The following ELP3 variants were observed in gnomAD, a reference collection of about 807,000 sequenced individuals.
ELP3 encodes the protein elongator acetyltransferase complex subunit 3.
ELP3 carries 56 observed loss-of-function variants against 74.9 expected under a neutral mutation model. The observed-to-expected ratio is 0.75, with a 90% CI of 0.60 to 0.93. The LOEUF (loss-of-function observed/expected upper bound fraction) is 0.93. Among genes scored for constraint, ELP3 ranks in the 40% least tolerant of loss-of-function variants. The probability of loss-of-function intolerance (pLI) is 0.00; values close to 1 mark genes in which losing one functional copy is unlikely to be tolerated. For synonymous variants in ELP3, 222 were observed against 239.8 expected (o/e 0.93, Z 0.68); for missense variants, 573 against 686.5 (o/e 0.83, Z 1.85).
At position 28,147,645 on chromosome 8, in the gene ELP3, G is replaced by A. The variant is rs1169349717; in HGVS notation, c.1101-8297G>A. On this transcript the variant is annotated intron_variant, in intron 10 of 14. Coordinates refer to ENST00000256398, the MANE Select transcript of ELP3 (RefSeq NM_018091.6). The surrounding 1 kb of genome is among the most constrained non-coding windows in gnomAD (Gnocchi z 4.5). ...TAAATATATGTCTCTCTCTGTGTGT[G>A]TATGTGTGTATGCATGCATATATTT... 6.6e-6 allele frequency among the ~76,000 whole-genome samples: 1 copy of A among 152,172 alleles called. No individual in the cohort carries two copies. Among genetic ancestry groups the A allele is most frequent in the African/African-American group, 2.4e-5 (1 of 41,444 alleles).
intron 10 of ELP3, among the ~76,000 whole-genome samples, chr8:28,150,729 G>A (rs889513245): frequency 3.9e-5 from 6 of 152,066 alleles, no homozygotes; most frequent in African/African-American, 1.4e-4. Flanking sequence ...GGTATTCTCT[G>A]AGCTTCCTGG....
chr8:28,172,816 T>C (rs1005145919), intron 14 of ELP3, among the ~76,000 whole-genome samples: 2 of 152,116 alleles, frequency 1.3e-5, no homozygotes, highest in African/African-American at 4.8e-5. Flanking sequence ...AGTTCCCTTC[T>C]ATGCTAATGT....
chr8:28,139,298 G>GT (rs71222539), intron 10 of ELP3, among the ~76,000 whole-genome samples: 56,949 of 151,786 alleles, frequency 0.38, 11,993 homozygotes, highest in Middle Eastern at 0.53. Flanking sequence ...TGGGTGCTAG[G>GT]TTTTTTTTGT....
At chr8:28,102,318 A>C (rs1404408770) in intron 3 of ELP3, among the ~76,000 whole-genome samples, 1 of 152,206 alleles carries the variant, frequency 6.6e-6, no homozygotes, top group African/African-American at 2.4e-5. Context: ...ATGTTAGTTC[A>C]TGGTACCACC....
At chr8:28,096,030 C>G (rs1229002364) in intron 1 of ELP3, among the ~76,000 whole-genome samples, 1 of 152,208 alleles carries the variant, frequency 6.6e-6, no homozygotes, top group African/African-American at 2.4e-5. Flanking sequence ...ACTGCCTAAG[C>G]TCTGCCTCCT....
intron 6 of ELP3, chr8:28,112,656 A>G (rs1258965892): frequency 1.3e-5 from 2 of 157,890 alleles, no homozygotes; most frequent in Non-Finnish European, 2.8e-5. Context: ...GCTTACCACC[A>G]AGTCTGACAT....
intron 14 of ELP3, among the ~76,000 whole-genome samples, chr8:28,172,852 TTG>T (rs1237359765): frequency 6.6e-6 from 1 of 152,060 alleles, no homozygotes; most frequent in African/African-American, 2.4e-5. Context: ...CATGAATGGG[TTG>T]TGAGTTTTGT....
chr8:28,118,604 A>G (rs917688898), intron 7 of ELP3, among the ~76,000 whole-genome samples: 2 of 152,212 alleles, frequency 1.3e-5, no homozygotes, highest in East Asian at 1.9e-4. Flanking sequence ...TCGTGTAACA[A>G]TCAGGCTCTG....
intron 14 of ELP3, among the ~76,000 whole-genome samples, chr8:28,182,899 C>T (rs1386073944): frequency 6.6e-6 from 1 of 152,168 alleles, no homozygotes; most frequent in East Asian, 1.9e-4. Context: ...GATGCTGTAC[C>T]CCTGGGTCTC....
At chr8:28,099,688 C>A in intron 2 of ELP3, 140 bp from the exon 3 acceptor site, 2 of 933,868 alleles carry the variant, frequency 2.1e-6, no homozygotes, top group South Asian at 1.5e-5. Context: ...CTGATAGTCA[C>A]AGATCTTAAA....
rs1812818863 is a variant in ELP3, at chr8:28,132,423, A to G, written c.906+19A>G. The G allele has an allele frequency of 6.2e-7, 1 of 1,613,844 alleles. No individual in the cohort carries two copies. The highest frequency in any genetic ancestry group is 1.3e-5 in the African/African-American group (1 of 74,936). On this transcript the variant is annotated intron_variant, in intron 9 of 14. Transcript: ENST00000256398. ...GTTCACAGTAAGTGTGACTTCAGCC[A>G]GGCGCATTCAGAATGGCTCTGCATG... is the stretch of plus-strand genomic sequence containing the variant.
chr8:28,109,975 C>T (rs1811849215), intron 5 of ELP3, among the ~76,000 whole-genome samples: 1 of 152,098 alleles, frequency 6.6e-6, no homozygotes, highest in Non-Finnish European at 1.5e-5. Flanking sequence ...TAGAGTATTC[C>T]ACTGTATGGT....
intron 2 of ELP3, among the ~76,000 whole-genome samples, chr8:28,098,966 A>G (rs1009671001): frequency 6.6e-6 from 1 of 152,200 alleles, no homozygotes; most frequent in Non-Finnish European, 1.5e-5. Context: ...TTAATCATTT[A>G]TACATTAATT....
chr8:28,142,327 T>C (rs1218973649), intron 10 of ELP3, among the ~76,000 whole-genome samples: 1 of 152,186 alleles, frequency 6.6e-6, no homozygotes, highest in Non-Finnish European at 1.5e-5. Flanking sequence ...GTTACACTTA[T>C]CCTATGGAGA....
At chr8:28,139,669 G>A (rs1194288081) in intron 10 of ELP3, among the ~76,000 whole-genome samples, 2 of 152,086 alleles carry the variant, frequency 1.3e-5, no homozygotes, top group Non-Finnish European at 2.9e-5. Flanking sequence ...TAGAGGCCAG[G>A]CGTGGTGGCT....
chr8:28,177,097 T>C (rs971809039), intron 14 of ELP3, among the ~76,000 whole-genome samples: 1 of 152,242 alleles, frequency 6.6e-6, no homozygotes, highest in African/African-American at 2.4e-5. Flanking sequence ...GAAGAACCTT[T>C]AGGCTGCTGG....
chr8:28,122,996 C>T (rs928348377), intron 7 of ELP3, among the ~76,000 whole-genome samples: 1 of 152,182 alleles, frequency 6.6e-6, no homozygotes, highest in South Asian at 2.1e-4. Flanking sequence ...TGGTGGCACG[C>T]ACCTGTAATC....
intron 11 of ELP3, among the ~76,000 whole-genome samples, chr8:28,156,748 C>T (rs1813843764): frequency 6.6e-6 from 1 of 152,142 alleles, no homozygotes; most frequent in Admixed American, 6.5e-5. Flanking sequence ...GTACATGGTT[C>T]TCATGCACAA....
intron 14 of ELP3, among the ~76,000 whole-genome samples, chr8:28,170,253 G>A (rs189847798): frequency 8.0e-4 from 122 of 152,322 alleles, no homozygotes; most frequent in East Asian, 7.7e-4. Flanking sequence ...GCTGTCAGCC[G>A]TAGTGGTGGA....
Sources: gnomAD v4.1 joint callset for allele counts (sites outside exome capture counted in the v4.1 genomes callset) on GRCh38, gnomAD v4.1.1 for gene constraint, Gnocchi (gnomAD v3.1) non-coding constraint, MANE v1.5 for transcripts, NCBI Gene and HGNC (gene_info 2026-07-23, HGNC 2026-07-21) for gene names.